Variants in CTNNA3 observed in about 807,000 individuals in gnomAD.
CTNNA3 encodes catenin alpha 3, also known as catenin alpha-3.
CTNNA3 carries 76 observed loss-of-function variants against 95.7 expected under a neutral mutation model. The ratio of observed to expected loss-of-function variants is 0.79; its 90% CI spans 0.66 to 0.96. CTNNA3 has a LOEUF of 0.96. CTNNA3 is among the 40% of genes least tolerant of loss of function. The probability of loss-of-function intolerance (pLI) is 0.00; values close to 1 mark genes in which losing one functional copy is unlikely to be tolerated. For missense variants in CTNNA3, 1,191 were observed against 1,089.8 expected (o/e 1.09, Z -1.31); for synonymous variants, 431 against 374.4 (o/e 1.15, Z -1.74).
At chr10:66,425,843 T>TAA (rs1319743436) in intron 11 of CTNNA3, among the ~76,000 whole-genome samples, 2 of 152,062 alleles carry the variant, frequency 1.3e-5, no homozygotes, top group African/African-American at 2.4e-5. Context: ...GGACTGAGAT[T>TAA]AAGAATACAC....
chr10:66,481,207 T>C (rs10997165), intron 11 of CTNNA3, among the ~76,000 whole-genome samples: 9,406 of 152,158 alleles, frequency 0.062, 604 homozygotes, highest in African/African-American at 0.16. Context: ...TCAGGGTTAC[T>C]GTATTAAAAA....
At chr10:66,732,037 TTAAA>T (rs1393171873) in intron 9 of CTNNA3, among the ~76,000 whole-genome samples, 1 of 152,222 alleles carries the variant, frequency 6.6e-6, no homozygotes, top group Admixed American at 6.5e-5. Flanking sequence ...CAGATTAAAT[TTAAA>T]TAAAGTTCAT....
intron 6 of CTNNA3, among the ~76,000 whole-genome samples, chr10:67,207,665 C>A (rs1277197286): frequency 6.6e-6 from 1 of 152,112 alleles, no homozygotes; most frequent in Non-Finnish European, 1.5e-5. Context: ...TCCATGTTGC[C>A]CTCCCTCCAG....
At chr10:66,541,082 T>C (rs914020561) in intron 10 of CTNNA3, among the ~76,000 whole-genome samples, 1 of 152,128 alleles carries the variant, frequency 6.6e-6, no homozygotes, top group African/African-American at 2.4e-5. Flanking sequence ...AATAATCAAC[T>C]ATTTTAGCCC....
At chr10:67,353,343 G>C (rs967563448) in intron 5 of CTNNA3, among the ~76,000 whole-genome samples, 1 of 151,936 alleles carries the variant, frequency 6.6e-6, no homozygotes, top group Non-Finnish European at 1.5e-5. Flanking sequence ...ACATCTCCAA[G>C]GTATTCAACT....
chr10:66,956,610 A>T (rs1705441949), intron 7 of CTNNA3, among the ~76,000 whole-genome samples: 1 of 152,194 alleles, frequency 6.6e-6, no homozygotes, highest in Non-Finnish European at 1.5e-5. Flanking sequence ...CAATAGTCAA[A>T]AGGCATAATG....
At chr10:67,562,842 A>G (rs1048922521) in intron 3 of CTNNA3, among the ~76,000 whole-genome samples, 5 of 152,122 alleles carry the variant, frequency 3.3e-5, no homozygotes, top group Non-Finnish European at 7.3e-5. Flanking sequence ...TTATACACCA[A>G]TAACAGACAA....
At chr10:66,457,686 A>C (rs536268599) in intron 11 of CTNNA3, among the ~76,000 whole-genome samples, 1 of 139,618 alleles carries the variant, frequency 7.2e-6, no homozygotes, top group Non-Finnish European at 1.5e-5. Flanking sequence ...TTACTTAGCA[A>C]AATAAAATGA....
intron 1 of CTNNA3, among the ~76,000 whole-genome samples, chr10:67,739,188 G>C (rs1841320572): frequency 6.6e-6 from 1 of 152,308 alleles, no homozygotes; most frequent in Admixed American, 6.5e-5. Flanking sequence ...AGGGCAGCCA[G>C]AGAGAAAGGT....
chr10:66,969,785 AC>A (rs1156802748), intron 7 of CTNNA3, among the ~76,000 whole-genome samples: 2 of 152,134 alleles, frequency 1.3e-5, no homozygotes, highest in Non-Finnish European at 2.9e-5. Context: ...GAGCTGCCTC[AC>A]ATTTGAGGAG....
chr10:66,323,387 T>C (rs1025701018), intron 12 of CTNNA3, among the ~76,000 whole-genome samples: 13 of 151,880 alleles, frequency 8.6e-5, no homozygotes, highest in Non-Finnish European at 1.6e-4. Flanking sequence ...TCTACACCTG[T>C]AATCCCAGCA....
chr10:66,268,969 T>G (rs1353085942), intron 13 of CTNNA3, among the ~76,000 whole-genome samples: 1 of 152,162 alleles, frequency 6.6e-6, no homozygotes, highest in Non-Finnish European at 1.5e-5. Flanking sequence ...CAACGTAAGG[T>G]TGATAAATAA....
intron 12 of CTNNA3, among the ~76,000 whole-genome samples, chr10:66,374,837 G>A (rs2092783316): frequency 6.6e-6 from 1 of 151,708 alleles, no homozygotes; most frequent in African/African-American, 2.4e-5. Flanking sequence ...GGCTGGTCTT[G>A]AACTCCTGAC....
Position 66,376,194 on chromosome 10 carries a change from T to C in CTNNA3, c.1732+2958A>G, listed in dbSNP as rs529918111. ...CCAACGTAGTACAAAAGAACTGAAG[T>C]TGACACTAAGAGTATAATTTGTAAG... On this transcript the variant is annotated intron_variant, in intron 12 of 17. Coordinates refer to ENST00000433211, the MANE Select transcript of CTNNA3 (RefSeq NM_013266.4). Among the ~76,000 whole-genome samples, 4 of 152,322 alleles carry C rather than the reference T, an allele frequency of 2.6e-5. No individual in the cohort carries two copies. In the East Asian group the frequency reaches 7.7e-4, roughly 29 times the overall value.
chr10:66,247,257 A>G (rs2090371262), intron 13 of CTNNA3, among the ~76,000 whole-genome samples: 1 of 151,948 alleles, frequency 6.6e-6, no homozygotes, highest in Non-Finnish European at 1.5e-5. Context: ...TTTGAGTGCC[A>G]GCTTAGCCAC....
chr10:67,754,304 C>CG (rs35808441), intron 1 of CTNNA3, among the ~76,000 whole-genome samples: 13 of 151,724 alleles, frequency 8.6e-5, no homozygotes, highest in African/African-American at 2.9e-4. Flanking sequence ...TAGAGCCTAT[C>CG]GGGGGGGCGT....
At chr10:66,226,804 T>A (rs1055422469) in intron 13 of CTNNA3, among the ~76,000 whole-genome samples, 1 of 152,196 alleles carries the variant, frequency 6.6e-6, no homozygotes, top group African/African-American at 2.4e-5. Context: ...GGTATTTTTT[T>A]ATTATTTTTA....
intron 7 of CTNNA3, among the ~76,000 whole-genome samples, chr10:67,013,626 A>G (rs995121445): frequency 6.6e-6 from 1 of 152,162 alleles, no homozygotes; most frequent in Non-Finnish European, 1.5e-5. Context: ...CCTTTTCTTG[A>G]TACAAAAGTA....
At chr10:67,543,934 C>T (rs947285957) in intron 3 of CTNNA3, among the ~76,000 whole-genome samples, 2 of 151,986 alleles carry the variant, frequency 1.3e-5, no homozygotes, top group African/African-American at 4.8e-5. Flanking sequence ...TAAACTTACA[C>T]AGATGTTAAA....
Sources: allele counts gnomAD v4.1 joint callset (sites outside exome capture counted in the v4.1 genomes callset), GRCh38; gene constraint gnomAD v4.1.1; transcripts MANE v1.5; gene names NCBI Gene and HGNC (gene_info 2026-07-23, HGNC 2026-07-21).